Variants in CDH4 observed in about 807,000 individuals in gnomAD.
The protein encoded by CDH4 is cadherin-4.
A neutral mutation model predicts 86.0 loss-of-function variants in CDH4; 33 were observed. The ratio of observed to expected loss-of-function variants is 0.38; its 90% CI spans 0.29 to 0.51. The LOEUF (loss-of-function observed/expected upper bound fraction) is 0.51. CDH4 is among the 20% of genes least tolerant of loss of function. The pLI, the probability that CDH4 is intolerant of heterozygous loss-of-function variation, is 0.86. For synonymous variants in CDH4, 555 were observed against 549.4 expected (o/e 1.01, Z -0.14); for missense variants, 1,114 against 1,307.4 (o/e 0.85, Z 2.28).
At chr20:61,551,294 C>T (rs924418878) in intron 2 of CDH4, among the ~76,000 whole-genome samples, 6 of 152,284 alleles carry the variant, frequency 3.9e-5, no homozygotes, top group South Asian at 2.1e-4. Context: ...GTCTTGTCTC[C>T]GCCTTGGTCA....
At chr20:61,652,791 T>TC in intron 2 of CDH4, among the ~76,000 whole-genome samples, 1 of 122,112 alleles carries the variant, frequency 8.2e-6, no homozygotes, top group Non-Finnish European at 1.9e-5. Context: ...GTGATTTTTT[T>TC]CAAATGAAAA....
In CDH4 at chr20:61,929,619, C is replaced by G; in HGVS notation, c.2016C>G (p.Ala672=). 6.2e-7 allele frequency: 1 copy of G among 1,613,462 alleles called. No individual in the cohort carries two copies. The highest frequency in any genetic ancestry group is 8.5e-7 in the Non-Finnish European group (1 of 1,179,636). The part of the protein sequence containing the change: ...WTITRLNGDY[A]QLSLRILYLE... ...GTTGCTTTGCACCAGGTGACTATGC[C>G]CAACTCAGCTTGCGCATCCTGTACC... Residue 672 remains alanine (A), a synonymous_variant, in exon 13 of 16, where the codon GCC becomes GCG. Transcript: ENST00000614565.
intron 4 of CDH4, among the ~76,000 whole-genome samples, chr20:61,790,216 C>T (rs921297577): frequency 4.6e-5 from 7 of 151,912 alleles, no homozygotes; most frequent in Non-Finnish European, 1.0e-4. Flanking sequence ...CCCATCCATC[C>T]ACCCACCTAC....
At chr20:61,706,625 G>A (rs774809926) in intron 2 of CDH4, among the ~76,000 whole-genome samples, 5 of 152,132 alleles carry the variant, frequency 3.3e-5, no homozygotes, top group Non-Finnish European at 7.3e-5. Context: ...GAAGAGAGGC[G>A]AACCAAGACC....
intron 2 of CDH4, among the ~76,000 whole-genome samples, chr20:61,636,004 A>T (rs1416941397): frequency 6.6e-6 from 1 of 152,234 alleles, no homozygotes. Flanking sequence ...AGCAGGCCTG[A>T]GTCCTCTCCA....
intron 2 of CDH4, among the ~76,000 whole-genome samples, chr20:61,262,912 T>G (rs1220928551): frequency 2.1e-5 from 3 of 146,192 alleles, no homozygotes; most frequent in South Asian, 2.4e-4. Flanking sequence ...TTTCCTTCCT[T>G]TCTTTTTTCT....
At chr20:61,289,131 G>A (rs558613769) in intron 2 of CDH4, among the ~76,000 whole-genome samples, 5 of 152,250 alleles carry the variant, frequency 3.3e-5, no homozygotes, top group Non-Finnish European at 7.3e-5. Flanking sequence ...ATTCTGGGGT[G>A]ATGGGGAGGG....
chr20:61,793,352 A>G lies in CDH4; in HGVS notation c.576+20170A>G, dbSNP rs938336350. Among the ~76,000 whole-genome samples the G allele has an allele frequency of 2.0e-5, 3 of 152,346 alleles. No individual in the cohort carries two copies. The East Asian group carries it at 5.8e-4, about 29-fold the overall frequency. ...CGACAAAAAAAACAACTTAGATATT[A>G]TAATGGATGGTGGCCCTCCAAAGGC... On this transcript the variant is annotated intron_variant, in intron 4 of 15. Coordinates refer to ENST00000614565, the MANE Select transcript of CDH4 (RefSeq NM_001794.5).
At chr20:61,793,838 A>T (rs1376225278) in intron 4 of CDH4, among the ~76,000 whole-genome samples, 4 of 78,360 alleles carry the variant, frequency 5.1e-5, no homozygotes, top group East Asian at 3.4e-4. Context: ...GACTGCATTT[A>T]AAAAAAAAAA....
chr20:61,836,209 T>A (rs2146088722), intron 4 of CDH4, among the ~76,000 whole-genome samples: 1 of 152,300 alleles, frequency 6.6e-6, no homozygotes, highest in South Asian at 2.1e-4. Context: ...CCACTTACCA[T>A]GGGAGAACAA....
intron 2 of CDH4, among the ~76,000 whole-genome samples, chr20:61,525,845 G>A (rs576052168): frequency 2.1e-4 from 32 of 152,206 alleles, no homozygotes; most frequent in South Asian, 1.0e-3. Flanking sequence ...TGCTGTGGCC[G>A]GGCCGGGCAC....
At chr20:61,383,579 A>AATATATGATATATG in intron 2 of CDH4, among the ~76,000 whole-genome samples, 1 of 13,250 alleles carries the variant, frequency 7.5e-5, no homozygotes, top group South Asian at 2.3e-3. Flanking sequence ...GATATATATG[A>AATATATGATATATG]ATATATATGA....
chr20:61,734,186 G>A (rs2088232146), intron 2 of CDH4, among the ~76,000 whole-genome samples: 1 of 152,264 alleles, frequency 6.6e-6, no homozygotes, highest in Non-Finnish European at 1.5e-5. Flanking sequence ...GTGCACGCGT[G>A]AGACTGGGGG....
At chr20:61,595,498 C>T (rs909478016) in intron 2 of CDH4, among the ~76,000 whole-genome samples, 1 of 152,248 alleles carries the variant, frequency 6.6e-6, no homozygotes, top group Admixed American at 6.5e-5. Context: ...GGCAACCCTG[C>T]GTCGTGTGGG....
At position 61,392,765 on chromosome 20, in the gene CDH4, A is replaced by G. The variant is rs1452420510; in HGVS notation, c.169+137828A>G. ...TCACAGTATTCATCAGAAACTCGGTATTGCACATTTATTTCCTAGCGGGGT... is the reference window on the plus strand; with the variant it reads ...TCACAGTATTCATCAGAAACTCGGTGTTGCACATTTATTTCCTAGCGGGGT... On this transcript the variant is annotated intron_variant, in intron 2 of 15. Coordinates refer to ENST00000614565, the MANE Select transcript of CDH4 (RefSeq NM_001794.5). This position sits in a 1 kb window ranked among gnomAD's most constrained non-coding sequence, Gnocchi z 5.7. Among the ~76,000 whole-genome samples the G allele has an allele frequency of 6.6e-6, 1 of 152,176 alleles. No individual in the cohort carries two copies. The highest frequency in any genetic ancestry group is 6.5e-5 in the Admixed American group (1 of 15,282).
chr20:61,894,896 T>C lies in CDH4; in HGVS notation c.1051-14T>C. The C allele has an allele frequency of 6.2e-7, 1 of 1,607,344 alleles. No homozygotes were observed. Among genetic ancestry groups the C allele is most frequent in the Non-Finnish European group, 8.5e-7 (1 of 1,177,006 alleles). On this transcript the variant is annotated splice_polypyrimidine_tract_variant and intron_variant, in intron 7 of 15. Transcript: ENST00000614565. ...TGATTTTCTGTTCTTTCTCAACTGGTGTCTCCCTTCCAGAAAGTTCAGCAG... is the reference window on the plus strand; with the variant it reads ...TGATTTTCTGTTCTTTCTCAACTGGCGTCTCCCTTCCAGAAAGTTCAGCAG...
intron 2 of CDH4, among the ~76,000 whole-genome samples, chr20:61,683,893 A>G (rs1214269647): frequency 1.3e-5 from 2 of 152,216 alleles, no homozygotes; most frequent in Non-Finnish European, 2.9e-5. Context: ...ACTTCACAGT[A>G]GAGAGCAGCC....
At chr20:61,491,645 C>T (rs2085626382) in intron 2 of CDH4, among the ~76,000 whole-genome samples, 1 of 152,208 alleles carries the variant, frequency 6.6e-6, no homozygotes, top group African/African-American at 2.4e-5. Context: ...GCCCCATGTA[C>T]ATATATTTCC....
chr20:61,561,331 T>G (rs1465329446), intron 2 of CDH4, among the ~76,000 whole-genome samples: 1 of 152,182 alleles, frequency 6.6e-6, no homozygotes, highest in Non-Finnish European at 1.5e-5. Flanking sequence ...ACCACAGCCT[T>G]AAGGGGAAGC....
Sources: gnomAD v4.1 joint callset for allele counts (sites outside exome capture counted in the v4.1 genomes callset) on GRCh38, gnomAD v4.1.1 for gene constraint, Gnocchi (gnomAD v3.1) non-coding constraint, MANE v1.5 for transcripts, NCBI Gene and HGNC (gene_info 2026-07-23, HGNC 2026-07-21) for gene names.